The following NEK1 variants were observed in gnomAD, a reference collection of about 807,000 sequenced individuals.
The protein encoded by NEK1 is NIMA related kinase 1, also known as serine/threonine-protein kinase Nek1.
A neutral mutation model predicts 182.1 loss-of-function variants in NEK1; 137 were observed. The observed-to-expected ratio is 0.75, with a 90% CI of 0.65 to 0.87. The LOEUF (loss-of-function observed/expected upper bound fraction) is 0.87, where lower values mean the gene tolerates loss of function less well. NEK1 is among the 40% of genes least tolerant of loss of function. The pLI is 0.00. For synonymous variants in NEK1, 513 were observed against 492.2 expected, an observed-to-expected ratio of 1.04 and a Z score of -0.56; for missense variants, 1,391 against 1,494.4, an observed-to-expected ratio of 0.93 and a Z score of 1.14.
Position 169,507,726 on chromosome 4 carries a change from C to G in NEK1, c.1900G>C (p.Glu634Gln), listed in dbSNP as rs199678116. Residue 634 changes from glutamate (E) to glutamine (Q), a missense_variant, in exon 22 of 36, where the codon GAA (glutamate) becomes CAA (glutamine). Physicochemically the swap from Glu to Gln is conservative, Grantham distance 29. Transcript: ENST00000507142. ...TTTCTAGTCTATACCTTCAGTGATT[C>G]GATTTTTTTGCGCCTCATGTCAGCC... is the stretch of plus-strand genomic sequence containing the variant. Reference protein sequence around the residue: ...EEADMRRKKIESLKAHANARA... With the variant: ...EEADMRRKKIQSLKAHANARA... 1.9e-6 allele frequency: 3 copies of G among 1,612,072 alleles called. No individual in the cohort carries two copies. The highest frequency in any genetic ancestry group is 1.7e-4 in the Middle Eastern group (1 of 6,054).
chr4:169,566,801 A>AT lies in NEK1; in HGVS notation c.1021-4606dup, dbSNP rs1201390788. Reference sequence around the variant, plus strand: ...AAAAGAAGTCTTTTAAAAAAATGAGATAAAAAAAAATCAAGGGAAAGGCCG... The same window carrying AT: ...AAAAGAAGTCTTTTAAAAAAATGAGATTAAAAAAAAATCAAGGGAAAGGCCG... On this transcript the variant is annotated intron_variant, in intron 12 of 35. Coordinates refer to ENST00000507142, the MANE Select transcript of NEK1 (RefSeq NM_001199397.3). Among the ~76,000 whole-genome samples, 5 of 152,206 alleles carry AT rather than the reference A, an allele frequency of 3.3e-5. No individual in the cohort carries two copies. The East Asian group carries it at 5.8e-4, about 18-fold the overall frequency.
At chr4:169,524,476 A>G (rs868153823) in intron 19 of NEK1, among the ~76,000 whole-genome samples, 61 of 152,088 alleles carry the variant, frequency 4.0e-4, no homozygotes, top group Admixed American at 9.2e-4. Flanking sequence ...AAAAAAAAAA[A>G]AAAAGAAAAA....
At chr4:169,568,050 C>T (rs1222235041) in intron 12 of NEK1, among the ~76,000 whole-genome samples, 1 of 152,200 alleles carries the variant, frequency 6.6e-6, no homozygotes, top group Non-Finnish European at 1.5e-5. Flanking sequence ...CAATCCTACC[C>T]AAACACTAGG....
chr4:169,401,311 G>C (rs1177640659), intron 33 of NEK1, among the ~76,000 whole-genome samples: 1 of 152,118 alleles, frequency 6.6e-6, no homozygotes, highest in Non-Finnish European at 1.5e-5. Context: ...TGTTAACTCT[G>C]CTGGTTAATA....
intron 6 of NEK1, 141 bp downstream of exon 6, chr4:169,590,585 T>G (rs1768294211): frequency 7.1e-6 from 4 of 559,654 alleles, no homozygotes; most frequent in Non-Finnish European, 1.3e-5. Flanking sequence ...TAATACAGGA[T>G]GCAGATGAAT....
intron 23 of NEK1, among the ~76,000 whole-genome samples, chr4:169,496,572 C>G (rs1440423861): frequency 6.6e-6 from 1 of 150,788 alleles, no homozygotes; most frequent in East Asian, 1.9e-4. Context: ...TTTTGAGATA[C>G]GTCCCATCAA....
In NEK1 at chr4:169,414,988, T is replaced by C. The variant is rs565120517; in HGVS notation, c.3223-8241A>G. ...AGTTACAGTCATTTTCCATTATAGG[T>C]TATCAATTGTATCACCGCCTCATTG... On this transcript the variant is annotated intron_variant, in intron 31 of 35. Coordinates refer to ENST00000507142, the MANE Select transcript of NEK1 (RefSeq NM_001199397.3). Among the ~76,000 whole-genome samples, 22 of 152,328 alleles carry C rather than the reference T, an allele frequency of 1.4e-4. No individual in the cohort carries two copies. In the East Asian group the frequency reaches 4.2e-3, roughly 29 times the overall value.
chr4:169,400,363 C>A lies in NEK1; in HGVS notation c.3715-6G>T. 1 of 1,473,330 alleles carries A rather than the reference C, an allele frequency of 6.8e-7. No individual in the cohort carries two copies. The highest frequency in any genetic ancestry group is 1.4e-5 in the African/African-American group (1 of 70,180). The allele number at this position is 1,473,330 out of a possible 1,614,324, so 91.3% of individuals were successfully genotyped here. A position where few individuals can be genotyped will look rare whatever the true frequency, so the allele number is the denominator to read the frequency against. ...TCTTCATCTTCATGAATAGCCTATA[C>A]CAAATTCCCAAATATAAATTAATAT... On this transcript the variant is annotated splice_region_variant and splice_polypyrimidine_tract_variant and intron_variant, in intron 34 of 35. Coordinates refer to ENST00000507142, the MANE Select transcript of NEK1 (RefSeq NM_001199397.3).
intron 9 of NEK1, 119 bp from the exon 10 acceptor site, chr4:169,585,668 A>C: frequency 1.7e-6 from 1 of 585,734 alleles, no homozygotes. Context: ...TCCTCTTCCA[A>C]ATAATTAGAA....
intron 26 of NEK1, among the ~76,000 whole-genome samples, chr4:169,468,689 A>C (rs1299838075): frequency 6.6e-6 from 1 of 152,164 alleles, no homozygotes; most frequent in Admixed American, 6.5e-5. Flanking sequence ...TTTCAGAAGG[A>C]ATGGTACCAG....
At chr4:169,457,861 A>G (rs1743219749) in intron 27 of NEK1, among the ~76,000 whole-genome samples, 1 of 152,058 alleles carries the variant, frequency 6.6e-6, no homozygotes, top group African/African-American at 2.4e-5. Context: ...ACCGGAAGCT[A>G]CATATTAAAA....
Position 169,575,650 on chromosome 4 carries a change from GC to G in NEK1, c.1020+1277del, listed in dbSNP as rs1245064645. ...AGTGAGTTCAACGGCTCCTCAAGTGGCTTCCCAGTACATTCTACTGACACTC... is the reference window on the plus strand; with the variant it reads ...AGTGAGTTCAACGGCTCCTCAAGTGGTTCCCAGTACATTCTACTGACACTC... On this transcript the variant is annotated intron_variant, in intron 12 of 35. Coordinates refer to ENST00000507142, the MANE Select transcript of NEK1 (RefSeq NM_001199397.3). Among the ~76,000 whole-genome samples the G allele has an allele frequency of 2.6e-5, 4 of 152,170 alleles. No individual in the cohort carries two copies. In the East Asian group the frequency reaches 5.8e-4, roughly 22 times the overall value.
chr4:169,492,362 T>C (rs925327484), intron 23 of NEK1, among the ~76,000 whole-genome samples: 6 of 151,946 alleles, frequency 3.9e-5, no homozygotes, highest in African/African-American at 1.5e-4. Flanking sequence ...TGAAGAAGAT[T>C]GGGTGGAGAG....
chr4:169,588,194 T>A (rs1232140099), intron 8 of NEK1, among the ~76,000 whole-genome samples: 3 of 152,146 alleles, frequency 2.0e-5, no homozygotes, highest in African/African-American at 7.2e-5. Flanking sequence ...CACCACTTAT[T>A]AGACTCAAGG....
At chr4:169,419,246 C>A (rs753900678) in intron 31 of NEK1, among the ~76,000 whole-genome samples, 5 of 151,720 alleles carry the variant, frequency 3.3e-5, no homozygotes, top group Non-Finnish European at 5.9e-5. Flanking sequence ...AGAAACAATG[C>A]AACCCAGAAG....
chr4:169,449,035 A>C (rs1224574952), intron 27 of NEK1, among the ~76,000 whole-genome samples: 1 of 152,222 alleles, frequency 6.6e-6, no homozygotes, highest in Non-Finnish European at 1.5e-5. Context: ...TCCCACGCCC[A>C]CAGAGCCTTG....
intron 12 of NEK1, among the ~76,000 whole-genome samples, chr4:169,568,457 TA>T (rs1764073669): frequency 6.6e-6 from 1 of 152,144 alleles, no homozygotes; most frequent in African/African-American, 2.4e-5. Context: ...CACATTTTTT[TA>T]AAAAAGGACA....
chr4:169,417,488 T>C (rs1734748518), intron 31 of NEK1, among the ~76,000 whole-genome samples: 3 of 152,162 alleles, frequency 2.0e-5, no homozygotes, highest in African/African-American at 7.2e-5. Context: ...AAACAATTGG[T>C]TGATATGACT....
intron 12 of NEK1, among the ~76,000 whole-genome samples, chr4:169,573,033 A>G (rs758395316): frequency 1.3e-5 from 2 of 152,234 alleles, no homozygotes; most frequent in Non-Finnish European, 2.9e-5. Context: ...AAGATATAGG[A>G]TATTTGTTTG....
Sources: allele counts gnomAD v4.1 joint callset (sites outside exome capture counted in the v4.1 genomes callset), GRCh38; gene constraint gnomAD v4.1.1; transcripts MANE v1.5; gene names NCBI Gene and HGNC (gene_info 2026-07-23, HGNC 2026-07-21).